The following SORCS1 variants were observed in gnomAD, a reference collection of about 807,000 sequenced individuals.
SORCS1 encodes the protein sortilin related VPS10 domain containing receptor 1.
In SORCS1, 60 loss-of-function variants were observed where a neutral mutation model predicts 146.1. That is an observed-to-expected ratio of 0.41 (90% CI 0.33 to 0.51). The LOEUF (loss-of-function observed/expected upper bound fraction) is 0.51, where lower values mean the gene tolerates loss of function less well. SORCS1 is among the 20% of genes least tolerant of loss of function. The pLI, the probability that SORCS1 is intolerant of heterozygous loss-of-function variation, is 0.21. For synonymous variants in SORCS1, 637 were observed against 584.0 expected, an observed-to-expected ratio of 1.09 and a Z score of -1.31; for missense variants, 1,352 against 1,487.6, an observed-to-expected ratio of 0.91 and a Z score of 1.50.
intron 1 of SORCS1, among the ~76,000 whole-genome samples, chr10:107,037,785 A>T (rs1958968017): frequency 6.6e-6 from 1 of 152,204 alleles, no homozygotes; most frequent in Admixed American, 6.5e-5. Flanking sequence ...CAAAGGGAGA[A>T]ACTTTCTATG....
At chr10:106,916,440 T>G (rs1481051387) in intron 2 of SORCS1, among the ~76,000 whole-genome samples, 4 of 149,520 alleles carry the variant, frequency 2.7e-5, no homozygotes, top group African/African-American at 7.3e-5. Context: ...ATACACACGA[T>G]TGTATATATG....
chr10:106,661,126 T>C (rs979942596), intron 17 of SORCS1, among the ~76,000 whole-genome samples: 1 of 152,212 alleles, frequency 6.6e-6, no homozygotes, highest in African/African-American at 2.4e-5. Flanking sequence ...TATATAAGTA[T>C]CACTGAATGA....
chr10:106,698,359 A>C (rs1853867190), intron 9 of SORCS1, among the ~76,000 whole-genome samples: 1 of 152,196 alleles, frequency 6.6e-6, no homozygotes, highest in African/African-American at 2.4e-5. Flanking sequence ...ATCTGAATCC[A>C]TTTTAGATTT....
intron 23 of SORCS1, among the ~76,000 whole-genome samples, chr10:106,603,692 C>T (rs1037968973): frequency 2.6e-5 from 4 of 152,132 alleles, no homozygotes; most frequent in Non-Finnish European, 4.4e-5. Flanking sequence ...CTCAAGTTTC[C>T]GCTGAGATTT....
At chr10:107,103,671 C>T (rs72812994) in intron 1 of SORCS1, among the ~76,000 whole-genome samples, 9,623 of 152,194 alleles carry the variant, frequency 0.063, 324 homozygotes, top group Non-Finnish European at 0.077. Flanking sequence ...CCCCTCAGTC[C>T]CCAAAGCATC....
chr10:107,019,603 G>A (rs1958044832), intron 1 of SORCS1, among the ~76,000 whole-genome samples: 1 of 152,208 alleles, frequency 6.6e-6, no homozygotes. Context: ...TTCAGTCTCT[G>A]CAGGCTCCTT....
At chr10:106,625,001 C>A (rs571358948) in intron 19 of SORCS1, among the ~76,000 whole-genome samples, 1 of 152,170 alleles carries the variant, frequency 6.6e-6, no homozygotes, top group Non-Finnish European at 1.5e-5. Flanking sequence ...CTGGCAGATG[C>A]GGCTCCATCA....
intron 5 of SORCS1, among the ~76,000 whole-genome samples, chr10:106,753,021 C>T (rs1040459855): frequency 7.9e-5 from 12 of 151,730 alleles, no homozygotes; most frequent in African/African-American, 2.7e-4. Flanking sequence ...AAGTTTTTTG[C>T]AGACAGTGAC....
chr10:106,654,542 G>A (rs1477388929), intron 17 of SORCS1, among the ~76,000 whole-genome samples: 1 of 152,140 alleles, frequency 6.6e-6, no homozygotes, highest in Non-Finnish European at 1.5e-5. Context: ...GCTCCTTGAG[G>A]GCCTCCTTGT....
chr10:107,148,446 C>A (rs1440381710), intron 1 of SORCS1, among the ~76,000 whole-genome samples: 1 of 152,132 alleles, frequency 6.6e-6, no homozygotes, highest in Non-Finnish European at 1.5e-5. Context: ...TCATGAAATA[C>A]CATTCTTTAG....
chr10:106,633,366 T>C (rs553526010), intron 18 of SORCS1, among the ~76,000 whole-genome samples: 107 of 152,304 alleles, frequency 7.0e-4, no homozygotes, highest in Non-Finnish European at 1.2e-3. Context: ...TAATAAATTA[T>C]TGTTAACGAA....
intron 1 of SORCS1, among the ~76,000 whole-genome samples, chr10:107,122,504 C>G (rs1006092332): frequency 6.6e-6 from 1 of 152,152 alleles, no homozygotes; most frequent in African/African-American, 2.4e-5. Context: ...AGTGTCTGTG[C>G]TTTTATCTGA....
intron 1 of SORCS1, among the ~76,000 whole-genome samples, chr10:107,018,354 T>A (rs903069384): frequency 2.0e-5 from 3 of 151,966 alleles, no homozygotes; most frequent in African/African-American, 4.8e-5. Flanking sequence ...TTTTTATTTT[T>A]TTTTTGTATT....
chr10:106,746,498 G>A (rs1379537787), intron 5 of SORCS1, among the ~76,000 whole-genome samples: 2 of 152,182 alleles, frequency 1.3e-5, no homozygotes, highest in African/African-American at 4.8e-5. Flanking sequence ...TGGTTATACT[G>A]TCATTAAAGA....
Position 107,008,367 on chromosome 10 carries a change from T to C in SORCS1, c.559-51787A>G, listed in dbSNP as rs551185318. 8.5e-5 allele frequency among the ~76,000 whole-genome samples: 13 copies of C among 152,304 alleles called. No homozygotes were observed. The South Asian group carries it at 2.7e-3, about 32-fold the overall frequency. On this transcript the variant is annotated intron_variant, in intron 1 of 25. Coordinates refer to ENST00000263054, the MANE Select transcript of SORCS1 (RefSeq NM_052918.5). ...TTTTTATATAAAACACAAATATACA[T>C]TCTAAATTTTCTCTGGGACAACTAA...
chr10:107,165,658 A>G (rs555836964), upstream of SORCS1, among the ~76,000 whole-genome samples: 14 of 152,322 alleles, frequency 9.2e-5, no homozygotes, highest in African/African-American at 3.4e-4. The surrounding 1 kb of genome is among the most constrained non-coding windows in gnomAD (Gnocchi z 4.0). Flanking sequence ...GCATATCTGC[A>G]TAACAAATAA....
intron 24 of SORCS1, among the ~76,000 whole-genome samples, chr10:106,585,275 T>C (rs1191188042): frequency 6.6e-6 from 1 of 151,812 alleles, no homozygotes; most frequent in South Asian, 2.1e-4. Context: ...AAAATCCATA[T>C]ATGTGACAAG....
intron 2 of SORCS1, among the ~76,000 whole-genome samples, chr10:106,896,155 G>C (rs936907024): frequency 6.6e-6 from 1 of 152,136 alleles, no homozygotes; most frequent in African/African-American, 2.4e-5. Context: ...GAGGCCGGGT[G>C]CAGTGGCTCA....
At chr10:106,580,230 T>G (rs1310220963) in intron 24 of SORCS1, among the ~76,000 whole-genome samples, 1 of 152,164 alleles carries the variant, frequency 6.6e-6, no homozygotes, top group Non-Finnish European at 1.5e-5. Flanking sequence ...AGGAGGGATA[T>G]GCCACCTGGC....
Sources: gnomAD v4.1 joint callset for allele counts (sites outside exome capture counted in the v4.1 genomes callset) on GRCh38, gnomAD v4.1.1 for gene constraint, Gnocchi (gnomAD v3.1) non-coding constraint, MANE v1.5 for transcripts, NCBI Gene and HGNC (gene_info 2026-07-23, HGNC 2026-07-21) for gene names.